ATP10B: variants seen among roughly 807,000 people sequenced by gnomAD.
ATP10B encodes the protein ATPase phospholipid transporting 10B (putative).
Under a neutral mutation model 141.2 loss-of-function variants are expected in ATP10B, and 122 were observed. The observed-to-expected ratio is 0.86, with a 90% CI of 0.75 to 1.00. The LOEUF is 1.00. ATP10B is among the 50% of genes least tolerant of loss of function. ATP10B has a pLI of 0.00. For missense variants in ATP10B, 1,876 were observed against 1,825.3 expected, an observed-to-expected ratio of 1.03 and a Z score of -0.51; for synonymous variants, 685 against 692.0, an observed-to-expected ratio of 0.99 and a Z score of 0.16.
intron 1 of ATP10B, among the ~76,000 whole-genome samples, chr5:160,804,181 G>A (rs1247156301): frequency 6.6e-6 from 1 of 152,186 alleles, no homozygotes; most frequent in Non-Finnish European, 1.5e-5. Context: ...GTGTTGTGTA[G>A]TCATCACTTC....
At chr5:160,676,151 G>A (rs1484655287) in intron 6 of ATP10B, among the ~76,000 whole-genome samples, 1 of 152,126 alleles carries the variant, frequency 6.6e-6, no homozygotes, top group African/African-American at 2.4e-5. Flanking sequence ...GATGTTTGAA[G>A]CCCCAGGTCT....
At chr5:160,767,022 A>G (rs551076541) in intron 2 of ATP10B, among the ~76,000 whole-genome samples, 2 of 152,220 alleles carry the variant, frequency 1.3e-5, no homozygotes, top group African/African-American at 4.8e-5. Flanking sequence ...CAGGGATGTC[A>G]AATCTTTTGG....
intron 2 of ATP10B, among the ~76,000 whole-genome samples, chr5:160,762,433 G>A (rs749752511): frequency 8.5e-5 from 13 of 152,114 alleles, no homozygotes; most frequent in Non-Finnish European, 1.5e-4. Flanking sequence ...ATAATTATCA[G>A]CCAAGAATTT....
chr5:160,841,037 C>T (rs986245684), intron 1 of ATP10B, among the ~76,000 whole-genome samples: 2 of 152,074 alleles, frequency 1.3e-5, no homozygotes, highest in Non-Finnish European at 2.9e-5. Context: ...GATTTGGCAT[C>T]AGTTAATAAA....
the ATP10B span, among the ~76,000 whole-genome samples, chr5:160,871,470 C>A: frequency 1.3e-5 from 2 of 152,104 alleles, no homozygotes; most frequent in Admixed American, 6.6e-5. Context: ...ATCACCTGCG[C>A]AGTATATATA....
At chr5:160,775,676 A>ATTTTTTTTTT (rs10642787) in intron 2 of ATP10B, among the ~76,000 whole-genome samples, 1 of 116,822 alleles carries the variant, frequency 8.6e-6, no homozygotes. Flanking sequence ...CAAGTTTCAG[A>ATTTTTTTTTT]TTTTTTTTTT....
the ATP10B span, among the ~76,000 whole-genome samples, chr5:160,863,882 C>T: frequency 2.6e-5 from 4 of 151,872 alleles, no homozygotes; most frequent in Non-Finnish European, 5.9e-5. Flanking sequence ...TGCAACCCTC[C>T]TAGATTAAAC....
intron 6 of ATP10B, among the ~76,000 whole-genome samples, chr5:160,678,567 G>A (rs1581338726): frequency 6.6e-6 from 1 of 152,232 alleles, no homozygotes; most frequent in Admixed American, 6.5e-5. Context: ...GCTGAGGCAG[G>A]AGAATCCCCA....
At chr5:160,626,480 C>T (rs1056249998) in intron 13 of ATP10B, among the ~76,000 whole-genome samples, 1 of 152,178 alleles carries the variant, frequency 6.6e-6, no homozygotes, top group Admixed American at 6.5e-5. Flanking sequence ...ATGAAACAAG[C>T]GAGGCTCATT....
intron 2 of ATP10B, among the ~76,000 whole-genome samples, chr5:160,740,445 CAA>C (rs748960256): frequency 1.3e-5 from 2 of 152,266 alleles, no homozygotes; most frequent in South Asian, 4.2e-4. Context: ...CTGAAATTGT[CAA>C]CTCTCCAAAT....
rs757594080 is a variant in ATP10B, at chr5:160,687,873, C to T, written c.202G>A (p.Gly68Ser). ...TATTTGGTTGTGCAGGTTCTGTTGC[C>T]AGGGTATCTCCTGGAGACCTCTTCC... is the stretch of plus-strand genomic sequence containing the variant. ...DWEEVSRRYP[G>S]NRTCTTKYTL... The change falls in exon 5 of 26, where the codon GGC (glycine) becomes AGC (serine). Residue 68 changes from glycine (G) to serine (S), a missense_variant. Transcript: ENST00000327245. The T allele has an allele frequency of 1.2e-6, 2 of 1,614,114 alleles. No individual in the cohort carries two copies. Among genetic ancestry groups the T allele is most frequent in the Non-Finnish European group, 1.7e-6 (2 of 1,180,026 alleles).
At chr5:160,900,896 G>C in the ATP10B span, among the ~76,000 whole-genome samples, 125 of 145,484 alleles carry the variant, frequency 8.6e-4, no homozygotes, top group African/African-American at 2.9e-3. Flanking sequence ...AATCCTTTTG[G>C]GGGGTAGAGA....
At chr5:160,902,562 A>G in the ATP10B span, among the ~76,000 whole-genome samples, 1 of 152,220 alleles carries the variant, frequency 6.6e-6, no homozygotes, top group Non-Finnish European at 1.5e-5. Flanking sequence ...AGTTGAAAAC[A>G]TTCTTGAAGT....
At chr5:160,637,416 C>T (rs1484935413) in intron 10 of ATP10B, among the ~76,000 whole-genome samples, 1 of 152,178 alleles carries the variant, frequency 6.6e-6, no homozygotes, top group Admixed American at 6.5e-5. Context: ...GAAGTTAGTA[C>T]TAATTCTTGT....
At position 160,615,915 on chromosome 5, in the gene ATP10B, G is replaced by A. The variant is rs1161424658; in HGVS notation, c.2576C>T (p.Ala859Val). The change falls in exon 17 of 26, where the codon GCT (alanine) becomes GTT (valine). Residue 859 changes from alanine (A) to valine (V), a missense_variant. Transcript: ENST00000327245. ...FRRWASFRRE[A>V]EASLDNRDEL... is the part of the protein sequence containing the mutation. ...ATCTCGGTTGTCGAGGGATGCCTCA[G>A]CCTCACGCCGGAAACTGGCCCATCT... The A allele has an allele frequency of 2.5e-6, 4 of 1,613,770 alleles. No individual in the cohort carries two copies. The highest frequency in any genetic ancestry group is 2.7e-5 in the African/African-American group (2 of 74,900).
chr5:160,685,250 ATAATT>A (rs1231994992), intron 6 of ATP10B: 1 of 564,492 alleles, frequency 1.8e-6, no homozygotes, highest in Non-Finnish European at 3.1e-6. Flanking sequence ...TTTAATTCTC[ATAATT>A]TAATTTTCAT....
the ATP10B span, among the ~76,000 whole-genome samples, chr5:160,891,728 G>A: frequency 6.6e-6 from 1 of 152,220 alleles, no homozygotes; most frequent in African/African-American, 2.4e-5. Flanking sequence ...GTGAGCCACT[G>A]TGCCCAGCCA....
the ATP10B span, among the ~76,000 whole-genome samples, chr5:160,914,926 G>A: frequency 2.0e-5 from 3 of 152,204 alleles, no homozygotes; most frequent in Admixed American, 1.3e-4. Flanking sequence ...GGCAAGGCTT[G>A]TGGCAGATAT....
At chr5:160,592,313 A>G (rs1317384012) in intron 22 of ATP10B, among the ~76,000 whole-genome samples, 1 of 152,202 alleles carries the variant, frequency 6.6e-6, no homozygotes, top group Non-Finnish European at 1.5e-5. Context: ...GGTTCTATAG[A>G]TGCATCTCAG....
Sources: gnomAD v4.1 joint callset for allele counts (sites outside exome capture counted in the v4.1 genomes callset) on GRCh38, gnomAD v4.1.1 for gene constraint, MANE v1.5 for transcripts, NCBI Gene and HGNC (gene_info 2026-07-23, HGNC 2026-07-21) for gene names.